The following PCDHGB7 variants were observed in gnomAD, a reference collection of about 807,000 sequenced individuals.
The protein encoded by PCDHGB7 is protocadherin gamma-B7.
Under a neutral mutation model 61.4 loss-of-function variants are expected in PCDHGB7, and 37 were observed. That is an observed-to-expected ratio of 0.60 (90% confidence interval 0.46 to 0.79). PCDHGB7 has a LOEUF of 0.79. PCDHGB7 is among the 30% of genes least tolerant of loss of function. PCDHGB7 has a pLI of 0.00. For missense variants in PCDHGB7, 1,166 were observed against 1,202.5 expected (o/e 0.97, Z 0.45); for synonymous variants, 464 against 503.5 (o/e 0.92, Z 1.05).
chr5:141,478,378 G>C, intron 1 of PCDHGB7: 1 of 1,613,558 alleles, frequency 6.2e-7, no homozygotes, highest in Non-Finnish European at 8.5e-7. Flanking sequence ...TGATGTCGCC[G>C]CACCTTTACC....
intron 1 of PCDHGB7, among the ~76,000 whole-genome samples, chr5:141,492,356 G>A (rs2099739649): frequency 6.6e-6 from 1 of 152,198 alleles, no homozygotes; most frequent in Non-Finnish European, 1.5e-5. Context: ...ACTGCCACTC[G>A]CTCGCGGCCA....
At position 141,418,010 on chromosome 5, in the gene PCDHGB7, G is replaced by T. The variant is rs185303697; in HGVS notation, c.151G>T (p.Ala51Ser). ...LAKGSVVGNL[A>S]KDLGLSVLDV... Reference sequence around the variant, plus strand: ...CAAGGGCTCGGTGGTGGGGAACCTCGCTAAGGATCTAGGGCTTAGTGTCCT... The same window carrying T: ...CAAGGGCTCGGTGGTGGGGAACCTCTCTAAGGATCTAGGGCTTAGTGTCCT... Residue 51 changes from alanine to serine, a missense_variant, in exon 1 of 4, where the codon GCT (alanine) becomes TCT (serine). Ala to Ser is a moderately conservative substitution (Grantham distance 99, BLOSUM62 1). Coordinates refer to ENST00000398594, the MANE Select transcript of PCDHGB7 (RefSeq NM_018927.4). 2.9e-5 allele frequency: 46 copies of T among 1,613,912 alleles called. No individual in the cohort carries two copies. The Middle Eastern group carries it at 5.0e-4, about 17-fold the overall frequency.
Position 141,489,216 on chromosome 5 carries a change from C to G in PCDHGB7, c.2416-5591C>G. The G allele has an allele frequency of 6.7e-7, 1 of 1,486,698 alleles. No individual in the cohort carries two copies. Among genetic ancestry groups the G allele is most frequent in the Non-Finnish European group, 9.1e-7 (1 of 1,103,260 alleles). 92.1% of individuals were successfully genotyped at this position (1,486,698 alleles called of 1,614,324 possible). ...TTGGAGACAGGACAGCACAGACTTA[C>G]TCTCCACAAAGGGACTTCTGGGTCA... On this transcript the variant is annotated intron_variant, in intron 1 of 3. Transcript: ENST00000398594. This position sits in a 1 kb window ranked among gnomAD's most constrained non-coding sequence, Gnocchi z 4.5.
rs1399250599 is a variant in PCDHGB7, at chr5:141,476,902, C to A, written c.2416-17905C>A. On this transcript the variant is annotated intron_variant, in intron 1 of 3. Coordinates refer to ENST00000398594, the MANE Select transcript of PCDHGB7 (RefSeq NM_018927.4). The surrounding 1 kb of genome is among the most constrained non-coding windows in gnomAD (Gnocchi z 7.6). ...TGGAGGATGCACCCTCCGGCACGCG[C>A]GTGGTACAAGTCCTTGCAACGGATC... 5 of 1,613,880 alleles carry A rather than the reference C, an allele frequency of 3.1e-6. No individual in the cohort carries two copies. Among genetic ancestry groups the A allele is most frequent in the South Asian group, 1.1e-5 (1 of 91,090 alleles).
At position 141,511,456 on chromosome 5, in the gene PCDHGB7, C is replaced by A. The variant is rs900802210; in HGVS notation, c.*283C>A. ...TACTGTAGACACCAAGAACCATTTG[C>A]CACACCCCGTTTAGTTACAGCTGAA... On this transcript the variant is annotated 3_prime_UTR_variant, in exon 4 of 4. Transcript: ENST00000398594. 3.4e-6 allele frequency: 2 copies of A among 585,210 alleles called. No homozygotes were observed. The highest frequency in any genetic ancestry group is 5.7e-6 in the Non-Finnish European group (2 of 351,786). 36.3% of individuals were successfully genotyped at this position (585,210 alleles called of 1,614,324 possible).
At position 141,450,051 on chromosome 5, in the gene PCDHGB7, G is replaced by C. The variant is rs576363410; in HGVS notation, c.2415+29777G>C. ...AGACAGGGTCTCACTCTTTCGCCCA[G>C]GCTGGAATGCAGTGGTATGATCTTG... On this transcript the variant is annotated intron_variant, in intron 1 of 3. Coordinates refer to ENST00000398594, the MANE Select transcript of PCDHGB7 (RefSeq NM_018927.4). Among the ~76,000 whole-genome samples, 362 of 139,654 alleles carry C rather than the reference G, an allele frequency of 2.6e-3. 1 individual carries two copies. Among genetic ancestry groups the C allele is most frequent in the South Asian group, 5.5e-3 (25 of 4,506 alleles). 91.6% of individuals were successfully genotyped at this position (139,654 alleles called of 152,430 possible). A position where few individuals can be genotyped will look rare whatever the true frequency, so the allele number is the denominator to read the frequency against.
intron 1 of PCDHGB7, among the ~76,000 whole-genome samples, chr5:141,492,762 T>C (rs917580804): frequency 2.6e-5 from 4 of 152,206 alleles, no homozygotes; most frequent in African/African-American, 9.6e-5. Flanking sequence ...GGGCTCCGCG[T>C]TGGGCGAGTG....
chr5:141,490,985 C>T lies in PCDHGB7; in HGVS notation c.2416-3822C>T. On this transcript the variant is annotated intron_variant, in intron 1 of 3. Transcript: ENST00000398594. This position sits in a 1 kb window ranked among gnomAD's most constrained non-coding sequence, Gnocchi z 5.4. ...TCAGCCCCCCAGCGTCTCCCTCGCT[C>T]TGCTCCTCCTGGCTCCTTGGTCACC... The T allele has an allele frequency of 1.9e-6, 3 of 1,614,128 alleles. No individual in the cohort carries two copies. The highest frequency in any genetic ancestry group is 2.5e-6 in the Non-Finnish European group (3 of 1,180,032).
chr5:141,474,721 A>T (rs942537231), intron 1 of PCDHGB7, among the ~76,000 whole-genome samples: 10 of 152,214 alleles, frequency 6.6e-5, no homozygotes, highest in African/African-American at 1.7e-4. Flanking sequence ...CTTCAAAAGG[A>T]CTCTATGCAA....
intron 1 of PCDHGB7, among the ~76,000 whole-genome samples, chr5:141,488,661 G>T (rs573211567): frequency 6.6e-6 from 1 of 152,246 alleles, no homozygotes; most frequent in African/African-American, 2.4e-5. Context: ...GGAGGGTGGG[G>T]GAATACATGG....
chr5:141,490,903 C>G lies in PCDHGB7; in HGVS notation c.2416-3904C>G. 6.2e-7 allele frequency: 1 copy of G among 1,613,764 alleles called. No homozygotes were observed. The highest frequency in any genetic ancestry group is 1.7e-5 in the Admixed American group (1 of 60,022). On this transcript the variant is annotated intron_variant, in intron 1 of 3. Coordinates refer to ENST00000398594, the MANE Select transcript of PCDHGB7 (RefSeq NM_018927.4). This position sits in a 1 kb window ranked among gnomAD's most constrained non-coding sequence, Gnocchi z 5.4. ...CAACACATCTCTGCATGTGTTTGTC[C>G]TAGACGAGAATGATAATGCCCCAGC... is the stretch of plus-strand genomic sequence containing the variant.
At position 141,489,749 on chromosome 5, in the gene PCDHGB7, AC is replaced by A; in HGVS notation, c.2416-5057del. ...GTGGGCACCAATACTGTGAGCTTTT[AC>A]ACTCTAAGCCCCAACAGCCACTTCT... is the stretch of plus-strand genomic sequence containing the variant. On this transcript the variant is annotated intron_variant, in intron 1 of 3. Transcript: ENST00000398594. The surrounding 1 kb of genome is among the most constrained non-coding windows in gnomAD (Gnocchi z 4.5). 6.2e-7 allele frequency: 1 copy of A among 1,614,126 alleles called. No individual in the cohort carries two copies. Among genetic ancestry groups the A allele is most frequent in the Non-Finnish European group, 8.5e-7 (1 of 1,180,002 alleles).
At chr5:141,457,469 AG>A (rs1170841505) in intron 1 of PCDHGB7, among the ~76,000 whole-genome samples, 1 of 152,226 alleles carries the variant, frequency 6.6e-6, no homozygotes, top group Non-Finnish European at 1.5e-5. Context: ...CACAGGAATA[AG>A]CAGGGCCAGG....
In PCDHGB7 at chr5:141,490,679, A is replaced by C; in HGVS notation, c.2416-4128A>C. On this transcript the variant is annotated intron_variant, in intron 1 of 3. Coordinates refer to ENST00000398594, the MANE Select transcript of PCDHGB7 (RefSeq NM_018927.4). The surrounding 1 kb of genome is among the most constrained non-coding windows in gnomAD (Gnocchi z 5.4). ...CTTCTTTGCACTGTGGCTGCCTCAG[A>C]TCCAGACACTGGGGATAATGCCCGC... 6.2e-7 allele frequency: 1 copy of C among 1,614,164 alleles called. No individual in the cohort carries two copies. The highest frequency in any genetic ancestry group is 8.5e-7 in the Non-Finnish European group (1 of 1,180,034).
chr5:141,454,625 C>G (rs1193628253), intron 1 of PCDHGB7, among the ~76,000 whole-genome samples: 1 of 151,512 alleles, frequency 6.6e-6, no homozygotes, highest in Admixed American at 6.6e-5. Context: ...AGGCTGGTCT[C>G]GAACCCCCAA....
Position 141,487,315 on chromosome 5 carries a change from G to C in PCDHGB7, c.2416-7492G>C, listed in dbSNP as rs568326280. On this transcript the variant is annotated intron_variant, in intron 1 of 3. Transcript: ENST00000398594. The surrounding 1 kb of genome is among the most constrained non-coding windows in gnomAD (Gnocchi z 5.0). ...GCTCATTCGTGGCACTACTCTCTAA[G>C]TGTCTTCGTGGGGCAGCCTGTGGAG... 6.2e-7 allele frequency: 1 copy of C among 1,614,166 alleles called. No individual in the cohort carries two copies. Among genetic ancestry groups the C allele is most frequent in the Admixed American group, 1.7e-5 (1 of 60,028 alleles).
Position 141,486,319 on chromosome 5 carries a change from C to T in PCDHGB7, c.2416-8488C>T, listed in dbSNP as rs148184642. The T allele has an allele frequency of 1.7e-4, 268 of 1,614,058 alleles. No individual in the cohort carries two copies. The African/African-American group carries it at 1.7e-3, about 10-fold the overall frequency. Reference sequence around the variant, plus strand: ...TGCAGGATCCAGACTCAGGGTCAAACGGAGATGTGAGCCTCCGCATTCCTG... The same window carrying T: ...TGCAGGATCCAGACTCAGGGTCAAATGGAGATGTGAGCCTCCGCATTCCTG... On this transcript the variant is annotated intron_variant, in intron 1 of 3. Transcript: ENST00000398594. The surrounding 1 kb of genome is among the most constrained non-coding windows in gnomAD (Gnocchi z 5.0).
intron 1 of PCDHGB7, among the ~76,000 whole-genome samples, chr5:141,474,420 T>C (rs1260451051): frequency 2.0e-5 from 3 of 152,226 alleles, no homozygotes; most frequent in Admixed American, 2.0e-4. Flanking sequence ...GCCTAGACCA[T>C]TGGTCCTCAC....
intron 1 of PCDHGB7, among the ~76,000 whole-genome samples, chr5:141,471,995 TG>T: frequency 6.6e-6 from 1 of 152,322 alleles, no homozygotes; most frequent in East Asian, 1.9e-4. Context: ...TAAAAATCCC[TG>T]CATCGTATAG....
Sources: allele counts gnomAD v4.1 joint callset (sites outside exome capture counted in the v4.1 genomes callset), GRCh38; gene constraint gnomAD v4.1.1; non-coding constraint Gnocchi (gnomAD v3.1); transcripts MANE v1.5; gene names NCBI Gene and HGNC (gene_info 2026-07-23, HGNC 2026-07-21).